Variants in ATG7 observed in about 807,000 individuals in gnomAD.
The protein encoded by ATG7 is ubiquitin-like modifier-activating enzyme ATG7.
Under a neutral mutation model 82.4 loss-of-function variants are expected in ATG7, and 70 were observed. The ratio of observed to expected loss-of-function variants is 0.85; its 90% CI spans 0.70 to 1.04. The LOEUF (loss-of-function observed/expected upper bound fraction) is 1.04, where lower values mean the gene tolerates loss of function less well. Ranked by LOEUF, ATG7 falls within the 50% of genes least tolerant of loss-of-function variation. The probability of loss-of-function intolerance (pLI) is 0.00; values close to 1 mark genes in which losing one functional copy is unlikely to be tolerated. For missense variants in ATG7, 792 were observed against 864.3 expected, an observed-to-expected ratio of 0.92 and a Z score of 1.05; for synonymous variants, 287 against 313.0, an observed-to-expected ratio of 0.92 and a Z score of 0.88.
At chr3:11,452,044 TAGGG>T (rs2085242773) in intron 20 of ATG7, among the ~76,000 whole-genome samples, 1 of 151,504 alleles carries the variant, frequency 6.6e-6, no homozygotes, top group Non-Finnish European at 1.5e-5. Flanking sequence ...GGGAGGGAAA[TAGGG>T]AGAGACTACT....
intron 19 of ATG7, among the ~76,000 whole-genome samples, chr3:11,406,248 T>C (rs2080325242): frequency 6.6e-6 from 1 of 152,098 alleles, no homozygotes. Flanking sequence ...CCCCAGCCTC[T>C]CAAAGTGCTG....
chr3:11,394,930 G>A (rs1297649423), intron 19 of ATG7, among the ~76,000 whole-genome samples: 1 of 152,114 alleles, frequency 6.6e-6, no homozygotes, highest in Non-Finnish European at 1.5e-5. Context: ...AGAGTTGGCA[G>A]AAGCAAAGAC....
At chr3:11,439,234 A>AT (rs545282340) in intron 20 of ATG7, among the ~76,000 whole-genome samples, 3 of 151,590 alleles carry the variant, frequency 2.0e-5, no homozygotes, top group African/African-American at 7.3e-5. Flanking sequence ...ACGCCCGGCT[A>AT]TTTTTTGTAG....
chr3:11,384,945 C>T (rs1476183872), intron 19 of ATG7, among the ~76,000 whole-genome samples: 1 of 152,124 alleles, frequency 6.6e-6, no homozygotes, highest in African/African-American at 2.4e-5. Flanking sequence ...TCTGTCATGC[C>T]CATGCCCCAA....
At chr3:11,413,981 T>C (rs1576232412) in intron 19 of ATG7, among the ~76,000 whole-genome samples, 1 of 139,606 alleles carries the variant, frequency 7.2e-6, no homozygotes, top group Non-Finnish European at 1.6e-5. Context: ...GGAATTTGTC[T>C]GTTTCATCTA....
At chr3:11,336,086 C>T (rs913778453) in intron 11 of ATG7, among the ~76,000 whole-genome samples, 2 of 143,510 alleles carry the variant, frequency 1.4e-5, no homozygotes, top group African/African-American at 5.3e-5. Flanking sequence ...GTTGCCCAGA[C>T]TGGAGTGCAG....
chr3:11,390,292 A>G (rs1197081475), intron 19 of ATG7, among the ~76,000 whole-genome samples: 2 of 152,248 alleles, frequency 1.3e-5, no homozygotes, highest in Non-Finnish European at 2.9e-5. Flanking sequence ...TGAGTGCAAA[A>G]TGACTTGCTA....
intron 20 of ATG7, among the ~76,000 whole-genome samples, chr3:11,491,796 G>A (rs2090383050): frequency 2.6e-5 from 4 of 152,204 alleles, no homozygotes. Context: ...GAATTTTTGT[G>A]AACCGTGAAT....
chr3:11,379,862 CG>C, intron 18 of ATG7, 109 bp from the exon 19 acceptor site: 1 of 1,048,014 alleles, frequency 9.5e-7, no homozygotes, highest in South Asian at 1.3e-5. Context: ...AATCTCTTTC[CG>C]GGCCGCCATA....
intron 20 of ATG7, among the ~76,000 whole-genome samples, chr3:11,438,067 A>G (rs961352506): frequency 1.3e-5 from 2 of 152,210 alleles, no homozygotes; most frequent in African/African-American, 4.8e-5. Context: ...ACTTAAGCAT[A>G]TCTTTTTAAT....
At chr3:11,507,615 G>T (rs1004740015) in intron 20 of ATG7, among the ~76,000 whole-genome samples, 1 of 152,188 alleles carries the variant, frequency 6.6e-6, no homozygotes. Context: ...TGAAGGAAAT[G>T]CTAAAGTTAT....
At chr3:11,460,694 C>T (rs1202240253) in intron 20 of ATG7, among the ~76,000 whole-genome samples, 1 of 152,192 alleles carries the variant, frequency 6.6e-6, no homozygotes, top group African/African-American at 2.4e-5. Flanking sequence ...ATCCCTGCCC[C>T]CTCCCAAATT....
chr3:11,380,119 C>T lies in ATG7; in HGVS notation c.1956+67C>T. 2 of 1,489,618 alleles carry T rather than the reference C, an allele frequency of 1.3e-6. 1 individual carries two copies. Among genetic ancestry groups the T allele is most frequent in the South Asian group, 2.3e-5 (2 of 88,336 alleles). The allele number at this position is 1,489,618 out of a possible 1,614,324, so 92.3% of individuals were successfully genotyped here. ...GCGGGTCAGCATTTGACCGCAGCCTCACCAGCTGGAGCCCTTGAAACCAAC... is the reference window on the plus strand; with the variant it reads ...GCGGGTCAGCATTTGACCGCAGCCTTACCAGCTGGAGCCCTTGAAACCAAC... On this transcript the variant is annotated intron_variant, in intron 19 of 20. Coordinates refer to ENST00000693202, the MANE Select transcript of ATG7 (RefSeq NM_001349232.2).
intron 18 of ATG7, among the ~76,000 whole-genome samples, chr3:11,365,754 G>T (rs187251596): frequency 6.6e-6 from 1 of 152,120 alleles, no homozygotes; most frequent in Non-Finnish European, 1.5e-5. Flanking sequence ...GAGGGGAAAC[G>T]ACTTCTTCAT....
chr3:11,326,263 C>T (rs138022096), intron 9 of ATG7, among the ~76,000 whole-genome samples: 11 of 151,148 alleles, frequency 7.3e-5, no homozygotes, highest in Non-Finnish European at 1.5e-4. Context: ...CCCCTTTTTA[C>T]ACTTGATAGA....
intron 9 of ATG7, among the ~76,000 whole-genome samples, chr3:11,330,344 C>T (rs1246799327): frequency 3.9e-5 from 6 of 152,112 alleles, no homozygotes; most frequent in African/African-American, 1.4e-4. Flanking sequence ...ACATTTATTC[C>T]ATTCTTTATT....
chr3:11,520,868 T>C (rs1446962044), intron 20 of ATG7, among the ~76,000 whole-genome samples: 1 of 152,176 alleles, frequency 6.6e-6, no homozygotes, highest in Non-Finnish European at 1.5e-5. Flanking sequence ...CCAGCATTCT[T>C]CCCTGAGAAG....
intron 20 of ATG7, among the ~76,000 whole-genome samples, chr3:11,473,617 A>ACT (rs1164397110): frequency 4.6e-5 from 7 of 152,214 alleles, no homozygotes; most frequent in Admixed American, 3.3e-4. Flanking sequence ...AAGGATCAAG[A>ACT]CTAACACATT....
chr3:11,561,840 T>C (rs2073036315), downstream of ATG7, among the ~76,000 whole-genome samples: 1 of 139,184 alleles, frequency 7.2e-6, no homozygotes, highest in African/African-American at 2.7e-5. Context: ...GGGAGAGGGC[T>C]CCCACCACCT....
Sources: allele counts gnomAD v4.1 joint callset (sites outside exome capture counted in the v4.1 genomes callset), GRCh38; gene constraint gnomAD v4.1.1; transcripts MANE v1.5; gene names NCBI Gene and HGNC (gene_info 2026-07-23, HGNC 2026-07-21).